PAQR3: variants seen among roughly 807,000 people sequenced by gnomAD.
The protein encoded by PAQR3 is Raf kinase trapping to Golgi.
In PAQR3, 39 loss-of-function variants were observed where a neutral mutation model predicts 41.7. The ratio of observed to expected loss-of-function variants is 0.93; its 90% confidence interval spans 0.72 to 1.22. PAQR3 has a LOEUF of 1.22. Ranked by LOEUF, PAQR3 falls within the 50% of genes most tolerant of loss-of-function variation. The pLI, the probability that PAQR3 is intolerant of heterozygous loss-of-function variation, is 0.00. For missense variants in PAQR3, 366 were observed against 385.6 expected (o/e 0.95, Z 0.42); for synonymous variants, 140 against 140.6 (o/e 1.00, Z 0.03).
At chr4:78,910,638 A>T (rs1734537337), downstream of PAQR3, 2 of 1,550,448 alleles carry the variant, frequency 1.3e-6, no homozygotes, top group Non-Finnish European at 1.7e-6. Flanking sequence ...CTGAACATTC[A>T]TCTATAAATC....
chr4:78,921,647 G>C, intron 5 of PAQR3: 1 of 978,292 alleles, frequency 1.0e-6, no homozygotes, highest in Non-Finnish European at 1.2e-6. Flanking sequence ...GGGGACCCTT[G>C]GACCCATCAA....
At chr4:78,887,236 C>T (rs189572729) in exon 13 of PAQR3, 3 of 1,611,834 alleles carry the variant, frequency 1.9e-6, no homozygotes, top group African/African-American at 2.7e-5. Context: ...TCCACATAAC[C>T]ATCCTCCAGA....
At chr4:78,933,362 T>C in intron 2 of PAQR3, 1 of 434,132 alleles carries the variant, frequency 2.3e-6, no homozygotes, top group Non-Finnish European at 4.6e-6. Context: ...AGCCCCTCAA[T>C]TACATTCTAT....
At chr4:78,930,845 C>G (rs1369398781) in intron 2 of PAQR3, among the ~76,000 whole-genome samples, 1 of 151,282 alleles carries the variant, frequency 6.6e-6, no homozygotes, top group Non-Finnish European at 1.5e-5. Flanking sequence ...ATATGTCAAA[C>G]ACCTGTGATA....
Position 78,920,424 on chromosome 4 carries a change from A to C in PAQR3, c.*115T>G, listed in dbSNP as rs1735539370. ...TTTTTTCCCATTTTTATAAAGCATTACTCATATTAAAAAGGAAAAAGGGAA... is the reference window on the plus strand; with the variant it reads ...TTTTTTCCCATTTTTATAAAGCATTCCTCATATTAAAAAGGAAAAAGGGAA... On this transcript the variant is annotated 3_prime_UTR_variant, in exon 6 of 6. Coordinates refer to ENST00000512733, the MANE Select transcript of PAQR3 (RefSeq NM_001040202.2). 1 of 1,393,618 alleles carries C rather than the reference A, an allele frequency of 7.2e-7. No homozygotes were observed. Among genetic ancestry groups the C allele is most frequent in the Admixed American group, 2.7e-5 (1 of 36,654 alleles). The allele number at this position is 1,393,618 out of a possible 1,614,324, so 86.3% of individuals were successfully genotyped here. A position where few individuals can be genotyped will look rare whatever the true frequency, so the allele number is the denominator to read the frequency against.
In PAQR3 at chr4:78,935,265, A is replaced by G; in HGVS notation, c.204T>C (p.Asn68=). Residue 68 remains asparagine (N), a synonymous_variant, in exon 2 of 6, where the codon AAT becomes AAC. Coordinates refer to ENST00000512733, the MANE Select transcript of PAQR3 (RefSeq NM_001040202.2). ...LCIKSLFILS[N]ETVNIWSHLL... ...AATGACTCCAGATGTTTACTGTCTC[A>G]TTAGATAAAATAAACAAACTGGAAA... is the stretch of plus-strand genomic sequence containing the variant. 1.2e-6 allele frequency: 2 copies of G among 1,608,766 alleles called. No homozygotes were observed. The highest frequency in any genetic ancestry group is 1.7e-6 in the Non-Finnish European group (2 of 1,178,714).
chr4:78,923,067 G>A, intron 5 of PAQR3: 1 of 431,780 alleles, frequency 2.3e-6, no homozygotes, highest in South Asian at 1.7e-5. Flanking sequence ...TTTCTTCCTA[G>A]TGCTGGGTGC....
In PAQR3 at chr4:78,918,698, T is replaced by A. The variant is rs768029101; in HGVS notation, c.*1841A>T. On this transcript the variant is annotated 3_prime_UTR_variant, in exon 6 of 6. Coordinates refer to ENST00000512733, the MANE Select transcript of PAQR3 (RefSeq NM_001040202.2). ...GACTGCAAAAATTGAAATGATTCAA[T>A]GTTTTTTTATTTTGAGAAAGTTTTA... 2.2e-4 allele frequency: 215 copies of A among 964,670 alleles called. 1 individual carries two copies. In the Middle Eastern group the frequency reaches 5.3e-3, roughly 24 times the overall value. The allele number at this position is 964,670 out of a possible 1,614,324, so 59.8% of individuals were successfully genotyped here.
At chr4:78,923,599 A>G (rs1735885207) in intron 5 of PAQR3, 3 of 465,346 alleles carry the variant, frequency 6.4e-6, no homozygotes, top group Non-Finnish European at 1.1e-5. Context: ...CAGAAGACTC[A>G]AAGTCTAATG....
In PAQR3 at chr4:78,939,333, G is replaced by T; in HGVS notation, c.-109C>A. 1 of 1,054,972 alleles carries T rather than the reference G, an allele frequency of 9.5e-7. No individual in the cohort carries two copies. The highest frequency in any genetic ancestry group is 1.3e-6 in the Non-Finnish European group (1 of 782,748). 65.4% of individuals were successfully genotyped at this position (1,054,972 alleles called of 1,614,324 possible). A position where few individuals can be genotyped will look rare whatever the true frequency, so the allele number is the denominator to read the frequency against. On this transcript the variant is annotated 5_prime_UTR_variant, in exon 1 of 6. Transcript: ENST00000512733. The stretch of plus-strand genomic sequence containing the variant: ...CCGCCCCGGAGCCCGCGGACGCTGC[G>T]CGAGGTCCTACCGCGCTGCCGCTGC...
chr4:78,934,727 G>A (rs558315933), intron 2 of PAQR3, among the ~76,000 whole-genome samples: 2 of 152,256 alleles, frequency 1.3e-5, no homozygotes, highest in East Asian at 3.9e-4. Context: ...ATATAGTATG[G>A]AAATAACAAA....
Position 78,926,540 on chromosome 4 carries a change from A to C in PAQR3, c.683T>G (p.Ile228Ser), listed in dbSNP as rs1246902659. Residue 228 changes from isoleucine (I) to serine (S), a missense_variant, in exon 4 of 6, where the codon ATT becomes AGT. Coordinates refer to ENST00000512733, the MANE Select transcript of PAQR3 (RefSeq NM_001040202.2). ...TLHWVWLNGGIGAPIVQDFAP... is the reference protein window; with the variant it reads ...TLHWVWLNGGSGAPIVQDFAP... ...ACCTACCTGTACAATAGGAGCACCA[A>C]TTCCTCCATTGAGCCAAACCCAGTG... 6.2e-7 allele frequency: 1 copy of C among 1,613,216 alleles called. No individual in the cohort carries two copies. Among genetic ancestry groups the C allele is most frequent in the Non-Finnish European group, 8.5e-7 (1 of 1,179,140 alleles).
At chr4:78,921,166 GCTCT>G (rs1399146608) in intron 5 of PAQR3, among the ~76,000 whole-genome samples, 1 of 151,884 alleles carries the variant, frequency 6.6e-6, no homozygotes, top group Non-Finnish European at 1.5e-5. Flanking sequence ...TGAATTCTGT[GCTCT>G]CTAACTAATG....
chr4:78,916,836 A>G lies in PAQR3; in HGVS notation c.*3703T>C, dbSNP rs1017062522. ...CTATGACACATTAAAGAGAAAACCT[A>G]TTTATTGGATTGATGGACTAAGCTT... is the stretch of plus-strand genomic sequence containing the variant. On this transcript the variant is annotated 3_prime_UTR_variant, in exon 6 of 6. Transcript: ENST00000512733. 2 of 151,928 alleles carry G rather than the reference A, an allele frequency of 1.3e-5. No homozygotes were observed. The highest frequency in any genetic ancestry group is 1.9e-4 in the East Asian group (1 of 5,192). 9.4% of individuals were successfully genotyped at this position (151,928 alleles called of 1,614,324 possible).
chr4:78,938,181 C>T (rs1023319728), intron 1 of PAQR3, among the ~76,000 whole-genome samples: 1 of 152,242 alleles, frequency 6.6e-6, no homozygotes, highest in Non-Finnish European at 1.5e-5. Flanking sequence ...GGGTTTGCCA[C>T]TACAGCGACC....
chr4:78,920,295 G>A lies in PAQR3; in HGVS notation c.*244C>T. On this transcript the variant is annotated 3_prime_UTR_variant, in exon 6 of 6. Coordinates refer to ENST00000512733, the MANE Select transcript of PAQR3 (RefSeq NM_001040202.2). Reference sequence around the variant, plus strand: ...TCCCATTCATCGTTGTTATTCAGATGTTTCTTATGATTGCCAACTAATTTT... The same window carrying A: ...TCCCATTCATCGTTGTTATTCAGATATTTCTTATGATTGCCAACTAATTTT... The A allele has an allele frequency of 8.6e-7, 1 of 1,159,708 alleles. No individual in the cohort carries two copies. Among genetic ancestry groups the A allele is most frequent in the Non-Finnish European group, 1.1e-6 (1 of 941,770 alleles). The allele number at this position is 1,159,708 out of a possible 1,614,324, so 71.8% of individuals were successfully genotyped here.
chr4:78,889,862 A>G (rs1019950904), intron 11 of PAQR3, among the ~76,000 whole-genome samples: 1 of 152,256 alleles, frequency 6.6e-6, no homozygotes, highest in Non-Finnish European at 1.5e-5. Context: ...GCTACTTGAG[A>G]ATAAAATGAA....
At position 78,936,084 on chromosome 4, in the gene PAQR3, C is replaced by G. The variant is rs534550173; in HGVS notation, c.186-801G>C. ...CTCACTGTCCCCACCCTACACAAGTCACTTAACCTCTCCCGGCTTCAGTTT... is the reference window on the plus strand; with the variant it reads ...CTCACTGTCCCCACCCTACACAAGTGACTTAACCTCTCCCGGCTTCAGTTT... On this transcript the variant is annotated intron_variant, in intron 1 of 5. Coordinates refer to ENST00000512733, the MANE Select transcript of PAQR3 (RefSeq NM_001040202.2). Among the ~76,000 whole-genome samples the G allele has an allele frequency of 9.8e-5, 15 of 152,314 alleles. No individual in the cohort carries two copies. The South Asian group carries it at 1.7e-3, about 17-fold the overall frequency.
intron 11 of PAQR3, among the ~76,000 whole-genome samples, chr4:78,904,239 AG>A (rs1002972964): frequency 3.3e-5 from 5 of 152,060 alleles, no homozygotes; most frequent in African/African-American, 1.2e-4. Context: ...AAGAGAAAAA[AG>A]TTCTAAGAAA....
Sources: gnomAD v4.1 joint callset for allele counts (sites outside exome capture counted in the v4.1 genomes callset) on GRCh38, gnomAD v4.1.1 for gene constraint, MANE v1.5 for transcripts, NCBI Gene and HGNC (gene_info 2026-07-23, HGNC 2026-07-21) for gene names.